EIF4E: variants seen among roughly 807,000 people sequenced by gnomAD.
EIF4E encodes the protein eukaryotic translation initiation factor 4E.
For missense variants in EIF4E, 113 were observed against 265.6 expected (o/e 0.43, Z 3.99); for synonymous variants, 71 against 88.5 (o/e 0.80, Z 1.11).
rs767132785 is a variant in EIF4E at position 98,887,995 on chromosome 4, T to C, written c.222-43A>G. On this transcript the variant is annotated intron_variant, in intron 3 of 6. Coordinates refer to ENST00000450253, the MANE Select transcript of EIF4E (RefSeq NM_001968.5). The surrounding 1 kb of genome is among the most constrained non-coding windows in gnomAD (Gnocchi z 4.0). ...ACAATTAAAAACACAGAATATGTAA[T>C]ATAGAGTTTAGGTGCTTACATATAT... The C allele has an allele frequency of 2.6e-6, 4 of 1,518,030 alleles. No homozygotes were observed. Among genetic ancestry groups the C allele is most frequent in the Non-Finnish European group, 3.6e-6 (4 of 1,099,266 alleles). The allele number at this position is 1,518,030 out of a possible 1,614,324, so 94.0% of individuals were successfully genotyped here.
chr4:98,892,575 G>A (rs909122800), intron 2 of EIF4E, among the ~76,000 whole-genome samples: 3 of 145,318 alleles, frequency 2.1e-5, no homozygotes, highest in African/African-American at 7.4e-5. Context: ...ACAGCTACTC[G>A]GGAAGCTGAA....
intron 5 of EIF4E, chr4:98,886,275 C>T (rs1360117519): frequency 4.1e-6 from 1 of 242,878 alleles, no homozygotes; most frequent in Non-Finnish European, 8.4e-6. Flanking sequence ...CTCCTATAAG[C>T]TTGGGGTTTG....
intron 1 of EIF4E, among the ~76,000 whole-genome samples, chr4:98,922,845 T>C (rs113119383): frequency 2.8e-5 from 4 of 141,314 alleles, no homozygotes; most frequent in African/African-American, 1.1e-4. Context: ...TGTTTTTTCT[T>C]TTTTCTTTTT....
intron 6 of EIF4E, among the ~76,000 whole-genome samples, chr4:98,884,661 G>A (rs771765714): frequency 3.3e-5 from 5 of 152,090 alleles, no homozygotes; most frequent in Admixed American, 6.6e-5. Context: ...CCTAGATCAT[G>A]CCACTGTACT....
At chr4:98,914,005 TTAAAAC>T (rs1031386077) in intron 1 of EIF4E, among the ~76,000 whole-genome samples, 4 of 151,430 alleles carry the variant, frequency 2.6e-5, no homozygotes, top group Admixed American at 6.6e-5. Context: ...AAAAATTACT[TTAAAAC>T]TAATACAAAT....
chr4:98,912,150 G>A (rs1725178535), intron 1 of EIF4E, among the ~76,000 whole-genome samples: 1 of 151,660 alleles, frequency 6.6e-6, no homozygotes, highest in African/African-American at 2.4e-5. Context: ...TACTTGGGAG[G>A]CTGAAGCAGG....
At chr4:98,886,086 A>G (rs1723906927) in intron 5 of EIF4E, among the ~76,000 whole-genome samples, 1 of 152,018 alleles carries the variant, frequency 6.6e-6, no homozygotes, top group East Asian at 1.9e-4. Context: ...CCAGGAGGCT[A>G]CAGTGAGCTA....
intron 1 of EIF4E, chr4:98,910,104 C>T (rs983868751): frequency 4.6e-6 from 1 of 218,506 alleles, no homozygotes; most frequent in African/African-American, 2.3e-5. Context: ...TTTTAGCTTT[C>T]AAACATCTAT....
chr4:98,913,799 G>A (rs931772803), intron 1 of EIF4E, among the ~76,000 whole-genome samples: 1 of 151,872 alleles, frequency 6.6e-6, no homozygotes, highest in African/African-American at 2.4e-5. Context: ...GCTTCCAAAC[G>A]TAAAAGGATC....
intron 5 of EIF4E, chr4:98,886,607 T>TA (rs1723930265): frequency 2.7e-6 from 1 of 366,750 alleles, no homozygotes; most frequent in Admixed American, 3.3e-5. Context: ...CCCAGCTACT[T>TA]AAGAGGCTGA....
In EIF4E at chr4:98,888,385, C is replaced by T. The variant is rs1018141717; in HGVS notation, c.222-433G>A. On this transcript the variant is annotated intron_variant, in intron 3 of 6. Transcript: ENST00000450253. Reference sequence around the variant, plus strand: ...ATGAACTTCCTGACCATCAGGATTGCATGACTGAAACAGTCATTATCCTTG... The same window carrying T: ...ATGAACTTCCTGACCATCAGGATTGTATGACTGAAACAGTCATTATCCTTG... Among the ~76,000 whole-genome samples, 139 of 152,066 alleles carry T rather than the reference C, an allele frequency of 9.1e-4. 1 individual carries two copies. The highest frequency in any genetic ancestry group is 1.2e-3 in the Non-Finnish European group (79 of 68,006).
chr4:98,886,259 AC>A, intron 5 of EIF4E: 1 of 233,820 alleles, frequency 4.3e-6, no homozygotes, highest in South Asian at 4.6e-5. Context: ...GAGACTACAA[AC>A]CCCGCTCCTA....
chr4:98,893,875 T>C (rs1469458197), intron 2 of EIF4E, among the ~76,000 whole-genome samples: 1 of 152,198 alleles, frequency 6.6e-6, no homozygotes, highest in East Asian at 1.9e-4. Flanking sequence ...AAGGAATCAC[T>C]ATCTACAGCA....
intron 1 of EIF4E, 92 bp from the exon 2 acceptor site, chr4:98,902,074 A>T: frequency 1.2e-5 from 12 of 1,032,388 alleles, no homozygotes; most frequent in South Asian, 1.7e-5. Context: ...TATGCTGATA[A>T]TTTTTTTTTT....
intron 3 of EIF4E, among the ~76,000 whole-genome samples, chr4:98,889,275 C>CA (rs1275289211): frequency 6.6e-6 from 1 of 152,130 alleles, no homozygotes; most frequent in East Asian, 1.9e-4. Flanking sequence ...TGCTGAGTCA[C>CA]TACCTAATGG....
chr4:98,922,893 G>A (rs554537019), intron 1 of EIF4E, among the ~76,000 whole-genome samples: 13 of 145,580 alleles, frequency 8.9e-5, no homozygotes, highest in Admixed American at 6.3e-4. Context: ...TTGTTGCCCA[G>A]GCTGGAGTGC....
At chr4:98,881,941 C>T (rs1298357525) in intron 6 of EIF4E, among the ~76,000 whole-genome samples, 1 of 152,042 alleles carries the variant, frequency 6.6e-6, no homozygotes, top group African/African-American at 2.4e-5. Flanking sequence ...TTAAATATCA[C>T]GAGGTCAAAA....
chr4:98,913,286 G>A (rs1192661854), intron 1 of EIF4E, among the ~76,000 whole-genome samples: 1 of 151,948 alleles, frequency 6.6e-6, no homozygotes, highest in Non-Finnish European at 1.5e-5. Context: ...CTTTAATAAG[G>A]TCATTTTGTT....
chr4:98,915,002 G>A lies in EIF4E; in HGVS notation c.19-13020C>T, dbSNP rs191735039. On this transcript the variant is annotated intron_variant, in intron 1 of 6. Coordinates refer to ENST00000450253, the MANE Select transcript of EIF4E (RefSeq NM_001968.5). ...TCTGATGCCCAGGCTGGAGTGCAGT[G>A]GCACAATCACAGCTCACTGAAGTCT... Among the ~76,000 whole-genome samples, 436 of 152,284 alleles carry A rather than the reference G, an allele frequency of 2.9e-3. 3 individuals carry two copies. The highest frequency in any genetic ancestry group is 9.7e-3 in the African/African-American group (402 of 41,556).
Sources: gnomAD v4.1 joint callset for allele counts (sites outside exome capture counted in the v4.1 genomes callset) on GRCh38, gnomAD v4.1.1 for gene constraint, Gnocchi (gnomAD v3.1) non-coding constraint, MANE v1.5 for transcripts, NCBI Gene and HGNC (gene_info 2026-07-23, HGNC 2026-07-21) for gene names.